The following UTRN variants were observed in gnomAD, a reference collection of about 807,000 sequenced individuals.
UTRN encodes utrophin, also known as dystrophin-related protein 1.
UTRN carries 283 observed loss-of-function variants against 463.9 expected under a neutral mutation model. The ratio of observed to expected loss-of-function variants is 0.61; its 90% CI spans 0.55 to 0.67. The LOEUF is 0.67. UTRN is among the 30% of genes least tolerant of loss of function. The pLI is 0.00. For synonymous variants in UTRN, 1,442 were observed against 1,431.5 expected (o/e 1.01, Z -0.17); for missense variants, 3,922 against 4,084.3 (o/e 0.96, Z 1.08).
chr6:144,498,239 C>CTGGCCT, intron 33 of UTRN, among the ~76,000 whole-genome samples: 1 of 152,348 alleles, frequency 6.6e-6, no homozygotes, highest in East Asian at 1.9e-4. Flanking sequence ...TTGTACCACC[C>CTGGCCT]TGGCCTTGGC....
intron 28 of UTRN, 24 bp from the exon 29 acceptor site, chr6:144,487,522 ATT>A: frequency 1.3e-6 from 2 of 1,549,206 alleles, no homozygotes; most frequent in Admixed American, 1.8e-5. Context: ...ATGCATTATT[ATT>A]TTTTTTTCCC....
intron 33 of UTRN, among the ~76,000 whole-genome samples, chr6:144,494,149 G>T (rs1478170780): frequency 1.3e-5 from 2 of 152,126 alleles, no homozygotes; most frequent in Non-Finnish European, 2.9e-5. Context: ...TGGGTTCTTG[G>T]TCTCACTGAC....
intron 71 of UTRN, among the ~76,000 whole-genome samples, chr6:144,837,503 C>T (rs535785039): frequency 3.3e-5 from 5 of 152,278 alleles, no homozygotes; most frequent in South Asian, 2.1e-4. Context: ...GCCAAGAGCT[C>T]CTCTCTCTTG....
At chr6:144,406,067 C>T (rs1471765517) in intron 3 of UTRN, among the ~76,000 whole-genome samples, 1 of 152,128 alleles carries the variant, frequency 6.6e-6, no homozygotes, top group African/African-American at 2.4e-5. Flanking sequence ...TTGGATAGAC[C>T]AGTTTTTGCA....
rs1345142933 is a variant in UTRN at position 144,635,510 on chromosome 6, TTTTCTTTTTTTTTTTTTTTC to T, written c.7480-42892_7480-42873del. On this transcript the variant is annotated intron_variant, in intron 51 of 74. Coordinates refer to ENST00000367545, the MANE Select transcript of UTRN (RefSeq NM_007124.3). ...GTATTACTTAGCAGCTAGCCTTTTT[TTTTCTTTTTTTTTTTTTTTC>T]TTTTCTTTTTTTTTTTTTTTTTTTT... 2.6e-4 allele frequency among the ~76,000 whole-genome samples: 20 copies of T among 77,744 alleles called. No individual in the cohort carries two copies. In the East Asian group the frequency reaches 6.3e-3, roughly 24 times the overall value. 51.0% of individuals were successfully genotyped at this position (77,744 alleles called of 152,430 possible).
intron 58 of UTRN, among the ~76,000 whole-genome samples, chr6:144,766,426 A>G (rs371326719): frequency 1.3e-5 from 2 of 152,190 alleles, no homozygotes; most frequent in African/African-American, 4.8e-5. Context: ...ATAAGTGTAC[A>G]TAAAGTAAAT....
intron 51 of UTRN, among the ~76,000 whole-genome samples, chr6:144,662,092 A>G (rs1258020072): frequency 6.6e-6 from 1 of 152,104 alleles, no homozygotes; most frequent in African/African-American, 2.4e-5. Context: ...AGTTCTCCAT[A>G]TATGTGTATT....
At chr6:144,488,202 C>T (rs2128577680) in intron 29 of UTRN, among the ~76,000 whole-genome samples, 1 of 152,230 alleles carries the variant, frequency 6.6e-6, no homozygotes, top group South Asian at 2.1e-4. Context: ...TGAATAACAT[C>T]AAGCTTAACC....
chr6:144,836,820 T>C (rs1010992464), intron 71 of UTRN, among the ~76,000 whole-genome samples: 7 of 152,222 alleles, frequency 4.6e-5, no homozygotes, highest in African/African-American at 1.7e-4. Flanking sequence ...AAATATCCTA[T>C]GACATATATC....
chr6:144,539,493 G>A (rs770507545), intron 45 of UTRN, 50 bp downstream of exon 45: 8 of 1,513,376 alleles, frequency 5.3e-6, no homozygotes, highest in Middle Eastern at 2.1e-4. Flanking sequence ...TGATTTTGTT[G>A]TCAGAGATGT....
At chr6:144,711,323 A>C (rs927507948) in intron 53 of UTRN, among the ~76,000 whole-genome samples, 1 of 151,850 alleles carries the variant, frequency 6.6e-6, no homozygotes, top group Admixed American at 6.6e-5. Flanking sequence ...CTCAAAACAA[A>C]CAAACAAACA....
chr6:144,581,642 G>C (rs1801975997), intron 51 of UTRN, among the ~76,000 whole-genome samples: 1 of 152,116 alleles, frequency 6.6e-6, no homozygotes, highest in South Asian at 2.1e-4. Context: ...TCATCTGCTG[G>C]TTCTAGGACA....
At chr6:144,543,367 T>C (rs1798143789) in intron 46 of UTRN, among the ~76,000 whole-genome samples, 2 of 152,228 alleles carry the variant, frequency 1.3e-5, no homozygotes, top group Admixed American at 1.3e-4. Flanking sequence ...CTCACTTGGA[T>C]GTGGAGAAAG....
At chr6:144,821,971 A>C (rs28510815) in intron 66 of UTRN, among the ~76,000 whole-genome samples, 18,042 of 152,074 alleles carry the variant, frequency 0.12, 1,177 homozygotes, top group South Asian at 0.18. Context: ...AGAGAAACTC[A>C]AAAGTGTGAA....
intron 3 of UTRN, among the ~76,000 whole-genome samples, chr6:144,417,219 T>C (rs1313414627): frequency 6.6e-6 from 1 of 152,202 alleles, no homozygotes; most frequent in African/African-American, 2.4e-5. Flanking sequence ...ACTCCAGTGA[T>C]TAAATATTTT....
chr6:144,388,621 C>T (rs187628519), intron 2 of UTRN, among the ~76,000 whole-genome samples: 1 of 152,168 alleles, frequency 6.6e-6, no homozygotes, highest in African/African-American at 2.4e-5. Context: ...ACCTCAGCCA[C>T]CTGAGTAGCT....
chr6:144,724,680 A>G (rs1044402116), intron 53 of UTRN, among the ~76,000 whole-genome samples: 3 of 152,156 alleles, frequency 2.0e-5, no homozygotes, highest in South Asian at 2.1e-4. Flanking sequence ...TGGTAATGGA[A>G]TCTTACACTA....
At chr6:144,348,790 C>T (rs183698028) in intron 2 of UTRN, among the ~76,000 whole-genome samples, 1 of 152,106 alleles carries the variant, frequency 6.6e-6, no homozygotes, top group Admixed American at 6.5e-5. Flanking sequence ...CAAAATGAGC[C>T]GGGCCTAGTG....
intron 52 of UTRN, among the ~76,000 whole-genome samples, chr6:144,684,144 G>C (rs1562761571): frequency 6.6e-6 from 1 of 151,566 alleles, no homozygotes; most frequent in Non-Finnish European, 1.5e-5. Flanking sequence ...CCACCTCCTG[G>C]GTTTAAGTGA....
Sources: allele counts gnomAD v4.1 joint callset (sites outside exome capture counted in the v4.1 genomes callset), GRCh38; gene constraint gnomAD v4.1.1; transcripts MANE v1.5; gene names NCBI Gene and HGNC (gene_info 2026-07-23, HGNC 2026-07-21).